The following RNF111 variants were observed in gnomAD, a reference collection of about 807,000 sequenced individuals.
The protein encoded by RNF111 is E3 ubiquitin-protein ligase Arkadia.
Under a neutral mutation model 95.1 loss-of-function variants are expected in RNF111, and 17 were observed. The ratio of observed to expected loss-of-function variants is 0.18; its 90% confidence interval spans 0.12 to 0.27. The LOEUF (loss-of-function observed/expected upper bound fraction) is 0.27, where lower values mean the gene tolerates loss of function less well. RNF111 is among the 10% of genes least tolerant of loss of function. The pLI, the probability that RNF111 is intolerant of heterozygous loss-of-function variation, is 1.00. For missense variants in RNF111, 1,189 were observed against 1,210.4 expected (o/e 0.98, Z 0.26); for synonymous variants, 440 against 414.8 (o/e 1.06, Z -0.74).
At chr15:59,067,165 TCTTC>T (rs201271647) in intron 6 of RNF111, 82 bp downstream of exon 6, 19,321 of 1,173,448 alleles carry the variant, frequency 0.016, 225 homozygotes, top group Non-Finnish European at 0.019. Context: ...TCTCTCTTCC[TCTTC>T]CTTCATTCCT....
chr15:59,017,623 A>AT (rs2040128853), intron 1 of RNF111, among the ~76,000 whole-genome samples: 1 of 152,214 alleles, frequency 6.6e-6, no homozygotes, highest in Admixed American at 6.5e-5. Context: ...GGAAGTTAAA[A>AT]TAACAGAAAT....
chr15:59,020,551 C>G (rs2040289835), intron 1 of RNF111, among the ~76,000 whole-genome samples: 1 of 152,186 alleles, frequency 6.6e-6, no homozygotes, highest in South Asian at 2.1e-4. Context: ...ACATATTGAA[C>G]TTCACCCAGT....
At chr15:59,029,724 A>G (rs2040812017) in intron 1 of RNF111, among the ~76,000 whole-genome samples, 2 of 152,202 alleles carry the variant, frequency 1.3e-5, no homozygotes, top group African/African-American at 4.8e-5. Flanking sequence ...AGAAGTTACA[A>G]TAGTGGTTAA....
intron 6 of RNF111, among the ~76,000 whole-genome samples, chr15:59,074,746 T>C (rs968288654): frequency 1.3e-5 from 2 of 152,148 alleles, no homozygotes; most frequent in Non-Finnish European, 2.9e-5. Flanking sequence ...CTTTCAAGGA[T>C]TTTTCCTTTG....
chr15:59,068,561 G>A (rs1596262791), intron 6 of RNF111, among the ~76,000 whole-genome samples: 2 of 151,258 alleles, frequency 1.3e-5, no homozygotes, highest in South Asian at 2.1e-4. Context: ...AGCCAAGATC[G>A]TGCCACTGCA....
intron 6 of RNF111, among the ~76,000 whole-genome samples, chr15:59,071,594 C>T (rs2042930113): frequency 6.6e-6 from 1 of 150,882 alleles, no homozygotes; most frequent in African/African-American, 2.4e-5. Flanking sequence ...TTGTGGGTGG[C>T]TGAGGCAGGA....
intron 6 of RNF111, among the ~76,000 whole-genome samples, chr15:59,067,919 A>T (rs1022992854): frequency 3.3e-5 from 5 of 152,170 alleles, no homozygotes; most frequent in African/African-American, 1.2e-4. Context: ...GTTTATGGAG[A>T]ATCAAAATGT....
At chr15:59,093,379 TCTC>T in intron 13 of RNF111, 1 of 420,002 alleles carries the variant, frequency 2.4e-6, no homozygotes, top group Non-Finnish European at 4.6e-6. Flanking sequence ...TGGGAGATGG[TCTC>T]CTTCTGTTGC....
At position 59,058,548 on chromosome 15, in the gene RNF111, G is replaced by C; in HGVS notation, c.1364G>C (p.Gly455Ala). 1.2e-6 allele frequency: 2 copies of C among 1,613,680 alleles called. No individual in the cohort carries two copies. Among genetic ancestry groups the C allele is most frequent in the South Asian group, 1.1e-5 (1 of 91,062 alleles). ...TSNSTTGTSIGDDSRRTTSSA... is the reference protein window; with the variant it reads ...TSNSTTGTSIADDSRRTTSSA... Reference sequence around the variant, plus strand: ...AATAGTACCACTGGCACTTCTATAGGAGGTATGTAAAAAAGTGGGGGAGGG... The same window carrying C: ...AATAGTACCACTGGCACTTCTATAGCAGGTATGTAAAAAAGTGGGGGAGGG... Residue 455 changes from glycine (G) to alanine (A), a missense_variant and splice_region_variant, in exon 5 of 14, where the codon GGA becomes GCA. Gly to Ala is a moderately conservative substitution (Grantham distance 60). Around this residue, in one of 2 missense-constraint regions of RNF111, gnomAD observed 1,024 missense variants for 925.9 expected, o/e 1.11. Coordinates refer to ENST00000348370, the MANE Select transcript of RNF111 (RefSeq NM_017610.8).
intron 3 of RNF111, among the ~76,000 whole-genome samples, chr15:59,053,996 C>T (rs145643424): frequency 5.8e-4 from 89 of 152,216 alleles, no homozygotes; most frequent in Middle Eastern, 3.4e-3. Flanking sequence ...AGGGCAGTGG[C>T]GCCATCTTGG....
At chr15:59,005,763 G>A (rs1259354836) in intron 1 of RNF111, among the ~76,000 whole-genome samples, 1 of 152,140 alleles carries the variant, frequency 6.6e-6, no homozygotes, top group African/African-American at 2.4e-5. Flanking sequence ...TTGCCTGGAC[G>A]ATTTCTAAAA....
intron 1 of RNF111, among the ~76,000 whole-genome samples, chr15:59,007,471 T>A (rs960488823): frequency 2.0e-5 from 3 of 152,240 alleles, no homozygotes; most frequent in Non-Finnish European, 4.4e-5. Context: ...ATCCATTCAC[T>A]TGGAGATTTA....
At chr15:59,015,849 G>A (rs748329480) in intron 1 of RNF111, among the ~76,000 whole-genome samples, 2 of 151,850 alleles carry the variant, frequency 1.3e-5, no homozygotes, top group South Asian at 2.1e-4. Flanking sequence ...TGTTTATAAC[G>A]TATTCTGGTT....
At chr15:59,094,675 A>T in intron 13 of RNF111, 108 bp from the exon 14 acceptor site, 2 of 669,228 alleles carry the variant, frequency 3.0e-6, no homozygotes, top group South Asian at 3.2e-5. Context: ...GAAGAGGAAG[A>T]TGCTTAGTAC....
chr15:59,010,866 T>C (rs2039767561), intron 1 of RNF111, among the ~76,000 whole-genome samples: 2 of 152,172 alleles, frequency 1.3e-5, no homozygotes, highest in South Asian at 4.1e-4. Flanking sequence ...ATACAGTAGA[T>C]TCCTTCTCCT....
At chr15:59,044,865 A>G (rs1596184623) in intron 2 of RNF111, among the ~76,000 whole-genome samples, 1 of 152,314 alleles carries the variant, frequency 6.6e-6, no homozygotes, top group Admixed American at 6.5e-5. Context: ...AAAACACTGG[A>G]TTGTAGATGC....
intron 1 of RNF111, among the ~76,000 whole-genome samples, chr15:59,020,919 A>G (rs2040307427): frequency 6.6e-6 from 1 of 151,984 alleles, no homozygotes; most frequent in Admixed American, 6.6e-5. Context: ...TTTAATTTTT[A>G]TTTTTTAAAT....
rs2079162201 is a variant in RNF111, at chr15:59,095,480, A to C, written c.*580A>C. 1 of 153,476 alleles carries C rather than the reference A, an allele frequency of 6.5e-6. No homozygotes were observed. Among genetic ancestry groups the C allele is most frequent in the African/African-American group, 2.4e-5 (1 of 41,486 alleles). 9.5% of individuals were successfully genotyped at this position (153,476 alleles called of 1,614,324 possible). On this transcript the variant is annotated 3_prime_UTR_variant, in exon 14 of 14. Transcript: ENST00000348370. ...GAACAGAATACAACCCATATAAATCAGATGCAGGTGGTAGTCACATCACCA... is the reference window on the plus strand; with the variant it reads ...GAACAGAATACAACCCATATAAATCCGATGCAGGTGGTAGTCACATCACCA...
chr15:59,067,007 G>A lies in RNF111; in HGVS notation c.1610G>A (p.Cys537Tyr). ...TCTCCTTCCTTTAGTGATCCTGCTTGCCCTGTGGAAAGACCTCCACAAGTA... is the reference window on the plus strand; with the variant it reads ...TCTCCTTCCTTTAGTGATCCTGCTTACCCTGTGGAAAGACCTCCACAAGTA... ...PVSPSFSDPACPVERPPQVQA... is the reference protein window; with the variant it reads ...PVSPSFSDPAYPVERPPQVQA... Residue 537 changes from cysteine to tyrosine, a missense_variant, in exon 6 of 14, where the codon TGC becomes TAC. This residue lies in a region of RNF111 where 1,024 missense variants were observed against 925.9 expected (regional missense o/e 1.11). Transcript: ENST00000348370. 6.2e-7 allele frequency: 1 copy of A among 1,614,016 alleles called. No homozygotes were observed. Among genetic ancestry groups the A allele is most frequent in the South Asian group, 1.1e-5 (1 of 91,076 alleles).
Sources: gnomAD v4.1 joint callset for allele counts (sites outside exome capture counted in the v4.1 genomes callset) on GRCh38, gnomAD v4.1.1 for gene constraint, gnomAD v4.1.1 regional missense constraint, MANE v1.5 for transcripts, NCBI Gene and HGNC (gene_info 2026-07-23, HGNC 2026-07-21) for gene names.